Variants in PRELID2 observed in about 807,000 individuals in gnomAD.
PRELID2 encodes PRELI domain containing 2.
Under a neutral mutation model 28.4 loss-of-function variants are expected in PRELID2, and 25 were observed. The ratio of observed to expected loss-of-function variants is 0.88; its 90% CI spans 0.64 to 1.23. The LOEUF (loss-of-function observed/expected upper bound fraction) is 1.23. Ranked by LOEUF, PRELID2 falls within the 50% of genes most tolerant of loss-of-function variation. The pLI, the probability that PRELID2 is intolerant of heterozygous loss-of-function variation, is 0.00. For missense variants in PRELID2, 201 were observed against 214.4 expected, an observed-to-expected ratio of 0.94 and a Z score of 0.39; for synonymous variants, 76 against 71.6, an observed-to-expected ratio of 1.06 and a Z score of -0.31.
At chr5:145,743,207 A>C (rs1756885396) in intron 1 of PRELID2, among the ~76,000 whole-genome samples, 1 of 151,860 alleles carries the variant, frequency 6.6e-6, no homozygotes, top group African/African-American at 2.4e-5. Flanking sequence ...TCAGGAGTTC[A>C]AGACCAGCCT....
chr5:145,521,551 T>C (rs2126650757), intron 1 of PRELID2, among the ~76,000 whole-genome samples: 1 of 145,162 alleles, frequency 6.9e-6, no homozygotes, highest in East Asian at 2.0e-4. Context: ...ACTGTATACA[T>C]TACACACACA....
the PRELID2 span, among the ~76,000 whole-genome samples, chr5:145,448,742 C>G: frequency 6.6e-6 from 1 of 152,086 alleles, no homozygotes; most frequent in Non-Finnish European, 1.5e-5. Context: ...GTTATCTCAT[C>G]TGTAATTGGG....
chr5:145,644,226 C>T (rs1392580134), intron 1 of PRELID2, among the ~76,000 whole-genome samples: 1 of 152,124 alleles, frequency 6.6e-6, no homozygotes, highest in Admixed American at 6.6e-5. Context: ...CGACTCCTTC[C>T]TGATTTAGTC....
intron 1 of PRELID2, among the ~76,000 whole-genome samples, chr5:145,740,592 AATATATATATATTAT>A (rs1756648485): frequency 3.3e-4 from 1 of 3,046 alleles, no homozygotes. Context: ...TATATATATA[AATATATATATATTAT>A]ATATATAAAT....
intron 1 of PRELID2, among the ~76,000 whole-genome samples, chr5:145,595,633 A>G (rs1365652499): frequency 3.3e-5 from 5 of 152,012 alleles, no homozygotes; most frequent in African/African-American, 4.8e-5. Flanking sequence ...ACTTCAGACT[A>G]CTGAAACCTG....
chr5:145,592,273 G>T (rs1753240891), intron 1 of PRELID2, among the ~76,000 whole-genome samples: 2 of 151,994 alleles, frequency 1.3e-5, no homozygotes, highest in South Asian at 4.2e-4. Context: ...AAATTAGCTG[G>T]GCGTGGTGGT....
At chr5:145,456,434 C>T in the PRELID2 span, among the ~76,000 whole-genome samples, 2 of 152,138 alleles carry the variant, frequency 1.3e-5, no homozygotes, top group African/African-American at 2.4e-5. Flanking sequence ...CTTACCCAGC[C>T]ATTTTTGGTG....
chr5:145,229,078 TG>T, the PRELID2 span: 1 of 1,551,032 alleles, frequency 6.4e-7, no homozygotes, highest in East Asian at 2.3e-5. Context: ...CACTACCTCC[TG>T]GGTACTTCTC....
At chr5:145,464,343 T>C in the PRELID2 span, among the ~76,000 whole-genome samples, 23 of 152,164 alleles carry the variant, frequency 1.5e-4, no homozygotes, top group Non-Finnish European at 2.8e-4. Flanking sequence ...ATACCTCTCT[T>C]AGTGCCAATT....
chr5:145,229,589 G>T, the PRELID2 span: 2 of 1,406,778 alleles, frequency 1.4e-6, no homozygotes, highest in East Asian at 4.6e-5. Context: ...GAACGAAGTT[G>T]CAGGCAAGCA....
the PRELID2 span, among the ~76,000 whole-genome samples, chr5:145,330,314 T>C: frequency 6.6e-6 from 1 of 152,196 alleles, no homozygotes; most frequent in Non-Finnish European, 1.5e-5. Context: ...GAGTTTCTCT[T>C]TTTCTATTGT....
rs745309247 is a variant in PRELID2 at position 145,627,097 on chromosome 5, C to CAAAAAAAAAAAAA, written n.70+137821_70+137833dup. ...CCTGGGTGACAGAGTAAGACTCTCC[C>CAAAAAAAAAAAAA]AAAAAAAAAAAAAAAAAAAAAAAAA... On this transcript the variant is annotated intron_variant and non_coding_transcript_variant, in intron 1 of 2. Transcript: ENST00000510259. Among the ~76,000 whole-genome samples the CAAAAAAAAAAAAA allele has an allele frequency of 2.2e-4, 9 of 41,826 alleles. 1 individual carries two copies. In the East Asian group the frequency reaches 2.8e-3, roughly 13 times the overall value. 27.4% of individuals were successfully genotyped at this position (41,826 alleles called of 152,430 possible).
the PRELID2 span, among the ~76,000 whole-genome samples, chr5:145,374,937 A>G: frequency 6.6e-6 from 1 of 152,146 alleles, no homozygotes; most frequent in African/African-American, 2.4e-5. Flanking sequence ...ATGCTACTTC[A>G]GCTCAGCATT....
At chr5:145,728,563 A>G in intron 1 of PRELID2, 4 of 836,642 alleles carry the variant, frequency 4.8e-6, no homozygotes, top group Non-Finnish European at 6.2e-6. Flanking sequence ...ATTTCCTGGA[A>G]TGAATTGTTG....
chr5:145,483,343 G>A (rs1376028611), intron 1 of PRELID2, among the ~76,000 whole-genome samples: 1 of 152,174 alleles, frequency 6.6e-6, no homozygotes, highest in African/African-American at 2.4e-5. Flanking sequence ...GATCCCCAGA[G>A]CCACCATGTG....
the PRELID2 span, among the ~76,000 whole-genome samples, chr5:145,275,816 C>G: frequency 6.6e-6 from 1 of 152,116 alleles, no homozygotes; most frequent in African/African-American, 2.4e-5. Context: ...GTTAATCCTG[C>G]CTCTACCACT....
intron 1 of PRELID2, among the ~76,000 whole-genome samples, chr5:145,631,298 CT>C (rs1429689440): frequency 6.6e-6 from 1 of 152,198 alleles, no homozygotes; most frequent in Non-Finnish European, 1.5e-5. Flanking sequence ...CAAGTCACTG[CT>C]TCAGAATATC....
chr5:145,735,214 C>A (rs1294405313), intron 1 of PRELID2, among the ~76,000 whole-genome samples: 2 of 148,742 alleles, frequency 1.3e-5, no homozygotes, highest in Non-Finnish European at 3.0e-5. Flanking sequence ...CATTGCACTC[C>A]AGCCCGGGCG....
At chr5:145,249,596 G>T in the PRELID2 span, among the ~76,000 whole-genome samples, 1 of 151,936 alleles carries the variant, frequency 6.6e-6, no homozygotes, top group African/African-American at 2.4e-5. Context: ...TGCAACGGTT[G>T]CCAGGAGAAA....
Sources: allele counts gnomAD v4.1 joint callset (sites outside exome capture counted in the v4.1 genomes callset), GRCh38; gene constraint gnomAD v4.1.1; transcripts MANE v1.5; gene names NCBI Gene and HGNC (gene_info 2026-07-23, HGNC 2026-07-21).